Variants in COL23A1 observed in about 807,000 individuals in gnomAD.
The protein encoded by COL23A1 is collagen alpha-1(XXIII) chain.
In COL23A1, 97 loss-of-function variants were observed where a neutral mutation model predicts 99.3. That is an observed-to-expected ratio of 0.98 (90% CI 0.83 to 1.16). The LOEUF (loss-of-function observed/expected upper bound fraction) is 1.16, where lower values mean the gene tolerates loss of function less well. COL23A1 is among the 50% of genes most tolerant of loss of function. The pLI is 0.00. For synonymous variants in COL23A1, 320 were observed against 308.2 expected, an observed-to-expected ratio of 1.04 and a Z score of -0.40; for missense variants, 762 against 757.4, an observed-to-expected ratio of 1.01 and a Z score of -0.07.
At chr5:178,462,515 T>C (rs961432917) in intron 2 of COL23A1, among the ~76,000 whole-genome samples, 1 of 152,218 alleles carries the variant, frequency 6.6e-6, no homozygotes, top group Non-Finnish European at 1.5e-5. Flanking sequence ...AACAAAACAT[T>C]ATGTTAAGAG....
chr5:178,287,121 C>T (rs528556674), intron 5 of COL23A1, among the ~76,000 whole-genome samples: 9 of 152,342 alleles, frequency 5.9e-5, no homozygotes, highest in East Asian at 1.9e-4. Flanking sequence ...GTGCAGGAGA[C>T]GGGAGCCTGA....
intron 2 of COL23A1, among the ~76,000 whole-genome samples, chr5:178,425,255 T>C (rs1765850070): frequency 6.6e-6 from 1 of 151,902 alleles, no homozygotes; most frequent in Admixed American, 6.6e-5. Flanking sequence ...AAACCCGGTC[T>C]CTACTAAAAA....
At chr5:178,358,395 GTA>G (rs1389037587) in intron 2 of COL23A1, among the ~76,000 whole-genome samples, 13 of 139,652 alleles carry the variant, frequency 9.3e-5, no homozygotes, top group South Asian at 4.6e-4. Flanking sequence ...GTGTGTATGT[GTA>G]TGTGTATGTG....
chr5:178,242,680 CG>C (rs1260038177), intron 25 of COL23A1, among the ~76,000 whole-genome samples: 1 of 152,204 alleles, frequency 6.6e-6, no homozygotes, highest in Non-Finnish European at 1.5e-5. Context: ...ATCACAGACG[CG>C]GCTGGCACTG....
intron 1 of COL23A1, among the ~76,000 whole-genome samples, chr5:178,576,390 C>T (rs1366794362): frequency 6.6e-6 from 1 of 152,218 alleles, no homozygotes. Flanking sequence ...AGGCGCCCCC[C>T]ACCACGCCTG....
At chr5:178,583,541 C>T (rs759953377) in intron 1 of COL23A1, among the ~76,000 whole-genome samples, 5 of 152,136 alleles carry the variant, frequency 3.3e-5, no homozygotes, top group Admixed American at 6.5e-5. Flanking sequence ...GGCTGCCCTG[C>T]GGGTCTCAGT....
At chr5:178,496,509 T>G (rs1758208703) in intron 2 of COL23A1, among the ~76,000 whole-genome samples, 1 of 152,248 alleles carries the variant, frequency 6.6e-6, no homozygotes, top group African/African-American at 2.4e-5. Flanking sequence ...GATTAATCTT[T>G]TTTGATATTT....
At chr5:178,552,158 G>A (rs892168932) in intron 2 of COL23A1, among the ~76,000 whole-genome samples, 1 of 152,120 alleles carries the variant, frequency 6.6e-6, no homozygotes, top group Non-Finnish European at 1.5e-5. Flanking sequence ...TGTTTCCTCA[G>A]GGCTCATCCT....
Position 178,387,216 on chromosome 5 carries a change from C to T in COL23A1, c.362-80297G>A, listed in dbSNP as rs1763721939. On this transcript the variant is annotated intron_variant, in intron 2 of 28. Transcript: ENST00000390654. This position sits in a 1 kb window ranked among gnomAD's most constrained non-coding sequence, Gnocchi z 4.7. Reference sequence around the variant, plus strand: ...CTGCCCGAGTCTTCAATGGCCCCCACACACAGCCTCACCGAGGAAAGCCAC... The same window carrying T: ...CTGCCCGAGTCTTCAATGGCCCCCATACACAGCCTCACCGAGGAAAGCCAC... Among the ~76,000 whole-genome samples the T allele has an allele frequency of 6.6e-6, 1 of 152,146 alleles. No individual in the cohort carries two copies. The highest frequency in any genetic ancestry group is 6.5e-5 in the Admixed American group (1 of 15,276).
Position 178,365,170 on chromosome 5 carries a change from T to TGTGTGTGTGA in COL23A1, c.362-58252_362-58251insTCACACACAC, listed in dbSNP as rs1334135320. 5.6e-5 allele frequency among the ~76,000 whole-genome samples: 8 copies of TGTGTGTGTGA among 141,768 alleles called. No individual in the cohort carries two copies. In the East Asian group the frequency reaches 1.2e-3, roughly 21 times the overall value. 93.0% of individuals were successfully genotyped at this position (141,768 alleles called of 152,430 possible). A position where few individuals can be genotyped will look rare whatever the true frequency, so the allele number is the denominator to read the frequency against. ...GTGTGTGTGTGTGTGTGTGTGTGTG[T>TGTGTGTGTGA]GATAAATAAGCAAAATTGTTTTCCT... On this transcript the variant is annotated intron_variant, in intron 2 of 28. Transcript: ENST00000390654. This position sits in a 1 kb window ranked among gnomAD's most constrained non-coding sequence, Gnocchi z 5.2.
intron 2 of COL23A1, among the ~76,000 whole-genome samples, chr5:178,352,959 T>C (rs1761412994): frequency 6.6e-6 from 1 of 152,142 alleles, no homozygotes; most frequent in African/African-American, 2.4e-5. Context: ...AAGGGGAAAA[T>C]ATATGAGAAC....
At chr5:178,529,519 G>T (rs143478497) in intron 2 of COL23A1, among the ~76,000 whole-genome samples, 1 of 152,190 alleles carries the variant, frequency 6.6e-6, no homozygotes, top group South Asian at 2.1e-4. Flanking sequence ...AAATCTACCC[G>T]TGGCCTTTCT....
intron 1 of COL23A1, among the ~76,000 whole-genome samples, chr5:178,584,380 T>A (rs375844985): frequency 1.2e-4 from 18 of 152,106 alleles, no homozygotes; most frequent in African/African-American, 3.9e-4. Flanking sequence ...TTCTTTTTTT[T>A]AAATAGAGAC....
At chr5:178,411,297 TTA>T (rs1357367260) in intron 2 of COL23A1, among the ~76,000 whole-genome samples, 3 of 152,144 alleles carry the variant, frequency 2.0e-5, no homozygotes, top group African/African-American at 4.8e-5. Context: ...TCACTCCCTG[TTA>T]TATACCCCAA....
chr5:178,283,177 C>T lies in COL23A1; in HGVS notation c.441+5147G>A, dbSNP rs536994328. Among the ~76,000 whole-genome samples, 9 of 152,276 alleles carry T rather than the reference C, an allele frequency of 5.9e-5. No individual in the cohort carries two copies. In the South Asian group the frequency reaches 1.7e-3, roughly 28 times the overall value. ...CTGGGATTACAGGCGTGAGCCACCG[C>T]GCCCGGCCGGGACAAGTGATTTCTA... is the stretch of plus-strand genomic sequence containing the variant. On this transcript the variant is annotated intron_variant, in intron 5 of 28. Coordinates refer to ENST00000390654, the MANE Select transcript of COL23A1 (RefSeq NM_173465.4).
chr5:178,415,553 G>A lies in COL23A1; in HGVS notation c.362-108634C>T, dbSNP rs963165480. The stretch of plus-strand genomic sequence containing the variant: ...TGACCTCTCCACAGCCAGAGGACAC[G>A]AGGGACGCCCCTTGCAGATACTTCC... On this transcript the variant is annotated intron_variant, in intron 2 of 28. Coordinates refer to ENST00000390654, the MANE Select transcript of COL23A1 (RefSeq NM_173465.4). The surrounding 1 kb of genome is among the most constrained non-coding windows in gnomAD (Gnocchi z 4.6). Among the ~76,000 whole-genome samples the A allele has an allele frequency of 2.6e-5, 4 of 152,176 alleles. No homozygotes were observed. Among genetic ancestry groups the A allele is most frequent in the African/African-American group, 7.2e-5 (3 of 41,440 alleles).
intron 2 of COL23A1, among the ~76,000 whole-genome samples, chr5:178,312,327 G>A (rs1052637933): frequency 3.1e-4 from 47 of 152,172 alleles, no homozygotes; most frequent in African/African-American, 6.5e-4. Flanking sequence ...GCTCCAGCTC[G>A]TTGCCCAATG....
intron 2 of COL23A1, among the ~76,000 whole-genome samples, chr5:178,367,631 C>T (rs891343708): frequency 6.6e-6 from 1 of 152,162 alleles, no homozygotes; most frequent in East Asian, 1.9e-4. Context: ...AAACCAAGGA[C>T]GAGCAGGCTG....
chr5:178,435,737 G>C (rs1211443575), intron 2 of COL23A1, among the ~76,000 whole-genome samples: 2 of 152,196 alleles, frequency 1.3e-5, no homozygotes, highest in Non-Finnish European at 2.9e-5. Context: ...ATTGCATGCA[G>C]GGCCCTGTTT....
Sources: allele counts gnomAD v4.1 joint callset (sites outside exome capture counted in the v4.1 genomes callset), GRCh38; gene constraint gnomAD v4.1.1; non-coding constraint Gnocchi (gnomAD v3.1); transcripts MANE v1.5; gene names NCBI Gene and HGNC (gene_info 2026-07-23, HGNC 2026-07-21).